Variants in CDKAL1 observed in about 807,000 individuals in gnomAD.
CDKAL1 encodes the protein CDKAL1 threonylcarbamoyladenosine tRNA methylthiotransferase, also known as threonylcarbamoyladenosine tRNA methylthiotransferase.
A neutral mutation model predicts 68.2 loss-of-function variants in CDKAL1; 32 were observed. The ratio of observed to expected loss-of-function variants is 0.47; its 90% CI spans 0.35 to 0.63. The LOEUF is 0.63. CDKAL1 is among the 30% of genes least tolerant of loss of function. The probability of loss-of-function intolerance (pLI) is 0.00; values close to 1 mark genes in which losing one functional copy is unlikely to be tolerated. For missense variants in CDKAL1, 606 were observed against 696.7 expected (o/e 0.87, Z 1.47); for synonymous variants, 234 against 244.3 (o/e 0.96, Z 0.39).
At chr6:20,700,296 G>A (rs1160328560) in intron 5 of CDKAL1, among the ~76,000 whole-genome samples, 3 of 151,238 alleles carry the variant, frequency 2.0e-5, no homozygotes, top group Non-Finnish European at 1.5e-5. Flanking sequence ...CGGAGGTTGC[G>A]GTGAGCTGAG....
At chr6:20,985,960 T>A (rs1476073232) in intron 10 of CDKAL1, among the ~76,000 whole-genome samples, 1 of 152,230 alleles carries the variant, frequency 6.6e-6, no homozygotes, top group African/African-American at 2.4e-5. Context: ...CTATTTATTT[T>A]TTCCATTCTC....
intron 13 of CDKAL1, among the ~76,000 whole-genome samples, chr6:21,130,800 C>T (rs1163156320): frequency 6.6e-6 from 1 of 152,212 alleles, no homozygotes; most frequent in East Asian, 1.9e-4. Flanking sequence ...GACCCCTCCA[C>T]AGCCATCGCC....
intron 15 of CDKAL1, among the ~76,000 whole-genome samples, chr6:21,227,183 T>G (rs1779783436): frequency 6.6e-6 from 1 of 152,252 alleles, no homozygotes; most frequent in South Asian, 2.1e-4. Flanking sequence ...GTGTCGACTT[T>G]TTCTATCGGC....
chr6:20,939,268 A>G (rs1410289968), intron 9 of CDKAL1, among the ~76,000 whole-genome samples: 1 of 152,164 alleles, frequency 6.6e-6, no homozygotes, highest in African/African-American at 2.4e-5. Context: ...CTCCTGCTGC[A>G]TTTACTAATT....
chr6:20,752,504 C>T (rs191154821), intron 6 of CDKAL1, among the ~76,000 whole-genome samples: 146 of 152,230 alleles, frequency 9.6e-4, no homozygotes, highest in African/African-American at 3.5e-3. Flanking sequence ...TACACACACA[C>T]ACAGACACAG....
Position 21,220,232 on chromosome 6 carries a change from G to T in CDKAL1, c.1549-10616G>T, listed in dbSNP as rs73387999. Among the ~76,000 whole-genome samples, 445 of 152,196 alleles carry T rather than the reference G, an allele frequency of 2.9e-3. No individual in the cohort carries two copies. The Middle Eastern group carries it at 0.031, about 10-fold the overall frequency. The stretch of plus-strand genomic sequence containing the variant: ...TGTGTGTGTGTGTTTGCGAGCACAT[G>T]TGCACTTGTCCATATATCTTAGGCT... On this transcript the variant is annotated intron_variant, in intron 15 of 15. Transcript: ENST00000274695.
chr6:20,564,025 CAGTGTCTTTAAAATGTA>C (rs1764367480), intron 4 of CDKAL1, among the ~76,000 whole-genome samples: 1 of 152,140 alleles, frequency 6.6e-6, no homozygotes, highest in South Asian at 2.1e-4. Context: ...TTCTGAGCCT[CAGTGTCTTTAAAATGTA>C]ATGATGCTCT....
intron 9 of CDKAL1, among the ~76,000 whole-genome samples, chr6:20,893,023 C>T (rs1285508079): frequency 6.6e-6 from 1 of 152,144 alleles, no homozygotes; most frequent in African/African-American, 2.4e-5. Flanking sequence ...CTTCTTTTGT[C>T]CTGCACCTGC....
chr6:20,568,763 A>C (rs1301273837), intron 4 of CDKAL1, among the ~76,000 whole-genome samples: 1 of 151,592 alleles, frequency 6.6e-6, no homozygotes, highest in Non-Finnish European at 1.5e-5. Context: ...AAAAAACAAA[A>C]AAACAAAGAA....
intron 12 of CDKAL1, among the ~76,000 whole-genome samples, chr6:21,074,266 A>G (rs957248461): frequency 1.3e-5 from 2 of 152,134 alleles, no homozygotes; most frequent in Admixed American, 6.5e-5. Flanking sequence ...GCAGCTGCAT[A>G]GCTCTAGTCT....
chr6:20,792,220 G>A (rs902649095), intron 8 of CDKAL1, among the ~76,000 whole-genome samples: 1 of 152,086 alleles, frequency 6.6e-6, no homozygotes, highest in Non-Finnish European at 1.5e-5. Context: ...TTTTAAAAAG[G>A]CAATAGTGCA....
intron 4 of CDKAL1, among the ~76,000 whole-genome samples, chr6:20,625,416 GT>G (rs1426771485): frequency 1.3e-5 from 2 of 152,092 alleles, no homozygotes; most frequent in African/African-American, 4.8e-5. Flanking sequence ...TCAATGGTGT[GT>G]GTTAGTCTTG....
At chr6:20,699,534 A>G (rs1771250761) in intron 5 of CDKAL1, among the ~76,000 whole-genome samples, 1 of 152,072 alleles carries the variant, frequency 6.6e-6, no homozygotes, top group Admixed American at 6.5e-5. Flanking sequence ...TAGGTTTTGA[A>G]CTACCTGCTT....
chr6:20,801,995 C>T (rs935676783), intron 8 of CDKAL1, among the ~76,000 whole-genome samples: 1 of 152,054 alleles, frequency 6.6e-6, no homozygotes, highest in Non-Finnish European at 1.5e-5. Context: ...TGCTGTTAAC[C>T]TTTAAAAAAT....
intron 7 of CDKAL1, among the ~76,000 whole-genome samples, chr6:20,777,585 G>A (rs1024330495): frequency 1.3e-5 from 2 of 152,108 alleles, no homozygotes; most frequent in African/African-American, 2.4e-5. Context: ...ACTGCACTCC[G>A]GCCTGGGCGA....
chr6:21,017,473 C>T (rs1360247017), intron 11 of CDKAL1, among the ~76,000 whole-genome samples: 2 of 152,184 alleles, frequency 1.3e-5, no homozygotes, highest in Non-Finnish European at 2.9e-5. Flanking sequence ...TTTACAACCA[C>T]ATCATCACCT....
At chr6:20,660,799 C>T (rs1046512129) in intron 5 of CDKAL1, among the ~76,000 whole-genome samples, 4 of 152,050 alleles carry the variant, frequency 2.6e-5, no homozygotes, top group African/African-American at 7.2e-5. Context: ...GGTTTAGTAT[C>T]GTTATGCTGT....
chr6:20,579,530 A>G (rs9465815), intron 4 of CDKAL1, among the ~76,000 whole-genome samples: 7,372 of 152,232 alleles, frequency 0.048, 561 homozygotes, highest in African/African-American at 0.16. Flanking sequence ...TGCTTTATGT[A>G]TATTAATTCT....
chr6:21,190,663 G>C (rs1453880994), intron 13 of CDKAL1, among the ~76,000 whole-genome samples: 1 of 151,818 alleles, frequency 6.6e-6, no homozygotes. Flanking sequence ...CGCTGCGCCC[G>C]GGCTGATATG....
Sources: gnomAD v4.1 joint callset for allele counts (sites outside exome capture counted in the v4.1 genomes callset) on GRCh38, gnomAD v4.1.1 for gene constraint, MANE v1.5 for transcripts, NCBI Gene and HGNC (gene_info 2026-07-23, HGNC 2026-07-21) for gene names.